Variants in LINGO1 observed in about 807,000 individuals in gnomAD.
LINGO1 encodes the protein leucine-rich repeat and immunoglobulin-like domain-containing nogo receptor-interacting protein 1.
In LINGO1, 11 loss-of-function variants were observed where a neutral mutation model predicts 37.3. The ratio of observed to expected loss-of-function variants is 0.29; its 90% CI spans 0.19 to 0.49. LINGO1 has a LOEUF of 0.49. LINGO1 is among the 20% of genes least tolerant of loss of function. The pLI is 0.99. For missense variants in LINGO1, 585 were observed against 878.2 expected (o/e 0.67, Z 4.22); for synonymous variants, 387 against 403.0 (o/e 0.96, Z 0.48).
upstream of LINGO1, among the ~76,000 whole-genome samples, chr15:77,700,285 G>A (rs2075765602): frequency 6.6e-6 from 1 of 152,212 alleles, no homozygotes; most frequent in Non-Finnish European, 1.5e-5. Context: ...GAGCATTGCA[G>A]AGAAACTGAA....
At position 77,798,483 on chromosome 15, in the gene LINGO1, C is replaced by A. The variant is rs374551901; in HGVS notation, c.-457-2430G>T. Among the ~76,000 whole-genome samples the A allele has an allele frequency of 2.0e-5, 3 of 152,246 alleles. No homozygotes were observed. In the South Asian group the frequency reaches 6.2e-4, roughly 31 times the overall value. ...GAATGGGCCTCCCGCTCCCTTCCCC[C>A]CAAACCTTCCAAAGCTTCCTAAAGC... is the stretch of plus-strand genomic sequence containing the variant. On this transcript the variant is annotated intron_variant, in intron 1 of 5. Coordinates refer to the LINGO1 transcript ENST00000562933.
At chr15:77,756,742 G>A (rs2076423483) in intron 1 of LINGO1, among the ~76,000 whole-genome samples, 2 of 152,214 alleles carry the variant, frequency 1.3e-5, no homozygotes. Flanking sequence ...TTGCAAAGGT[G>A]TCACTTTAGG....
At chr15:77,694,208 G>A (rs1255442477) in intron 1 of LINGO1, among the ~76,000 whole-genome samples, 2 of 152,242 alleles carry the variant, frequency 1.3e-5, no homozygotes, top group Admixed American at 6.5e-5. Context: ...GCAAGGTAAC[G>A]TCCAGCATAA....
chr15:77,808,950 T>G (rs2076981730), intron 1 of LINGO1, among the ~76,000 whole-genome samples: 2 of 152,132 alleles, frequency 1.3e-5, no homozygotes, highest in Non-Finnish European at 2.9e-5. Context: ...CCACATGCAG[T>G]CACCCAACAA....
At chr15:77,650,908 T>G (rs1012846977) in intron 3 of LINGO1, among the ~76,000 whole-genome samples, 2 of 151,918 alleles carry the variant, frequency 1.3e-5, no homozygotes, top group Non-Finnish European at 2.9e-5. Context: ...AGGCTTGGGT[T>G]TGGTGGCTCT....
chr15:77,753,703 T>C (rs1175512218), intron 1 of LINGO1, among the ~76,000 whole-genome samples: 1 of 152,196 alleles, frequency 6.6e-6, no homozygotes, highest in Admixed American at 6.5e-5. Flanking sequence ...CAAAGCCATA[T>C]TGAGAACACG....
intron 1 of LINGO1, among the ~76,000 whole-genome samples, chr15:77,763,618 C>T (rs1197066668): frequency 6.6e-6 from 1 of 152,150 alleles, no homozygotes; most frequent in Non-Finnish European, 1.5e-5. Flanking sequence ...GGGAACAAAT[C>T]TTCCACCTGA....
chr15:77,664,100 C>T (rs892106561), intron 3 of LINGO1, among the ~76,000 whole-genome samples: 1 of 151,818 alleles, frequency 6.6e-6, no homozygotes, highest in Non-Finnish European at 1.5e-5. Context: ...AGATTTCTCT[C>T]TCCCTTCCTC....
At chr15:77,664,174 C>CGCGCGCGCGCGA in intron 3 of LINGO1, among the ~76,000 whole-genome samples, 1 of 100,452 alleles carries the variant, frequency 1.0e-5, no homozygotes, top group African/African-American at 3.7e-5. Flanking sequence ...TGTGTGTGCG[C>CGCGCGCGCGCGA]GCGCGCATGC....
intron 1 of LINGO1, chr15:77,784,473 C>G (rs1426629223): frequency 1.3e-5 from 2 of 152,246 alleles, no homozygotes; most frequent in African/African-American, 4.8e-5. Context: ...CCCTTTGCAG[C>G]CAGTGCACAT....
At chr15:77,758,559 G>C (rs1301304235) in intron 1 of LINGO1, among the ~76,000 whole-genome samples, 1 of 152,168 alleles carries the variant, frequency 6.6e-6, no homozygotes, top group African/African-American at 2.4e-5. Flanking sequence ...CATGGAGGAG[G>C]CCAGGCTTGA....
At chr15:77,800,374 G>C (rs1016613107) in intron 1 of LINGO1, among the ~76,000 whole-genome samples, 3 of 152,236 alleles carry the variant, frequency 2.0e-5, no homozygotes, top group African/African-American at 7.2e-5. Flanking sequence ...AGTGGGGGCA[G>C]AGCATACGAG....
chr15:77,811,400 A>C (rs1467170104), intron 1 of LINGO1, among the ~76,000 whole-genome samples: 1 of 152,192 alleles, frequency 6.6e-6, no homozygotes, highest in Non-Finnish European at 1.5e-5. Flanking sequence ...ACCTGTTCAG[A>C]GGGGTCCAGC....
At chr15:77,645,040 C>T (rs919919927) in intron 3 of LINGO1, among the ~76,000 whole-genome samples, 14 of 152,176 alleles carry the variant, frequency 9.2e-5, no homozygotes, top group Non-Finnish European at 1.5e-4. Context: ...GAAAACCAGC[C>T]ATAAATACCT....
intron 1 of LINGO1, among the ~76,000 whole-genome samples, chr15:77,763,278 G>A (rs1259692979): frequency 6.6e-6 from 1 of 152,078 alleles, no homozygotes; most frequent in East Asian, 1.9e-4. Context: ...CTCAGGCCTG[G>A]GTGTGCCAGG....
At chr15:77,770,750 C>G (rs1053941194) in intron 1 of LINGO1, among the ~76,000 whole-genome samples, 2 of 152,020 alleles carry the variant, frequency 1.3e-5, no homozygotes, top group African/African-American at 4.8e-5. Context: ...CAGCAGGAAT[C>G]GACAGGCCCT....
intron 1 of LINGO1, among the ~76,000 whole-genome samples, chr15:77,799,572 GCCT>G (rs2076900564): frequency 6.6e-6 from 1 of 152,134 alleles, no homozygotes; most frequent in South Asian, 2.1e-4. Flanking sequence ...CCCCAGACTT[GCCT>G]CCTCCTCCCC....
intron 1 of LINGO1, among the ~76,000 whole-genome samples, chr15:77,805,948 C>A (rs1014419612): frequency 3.3e-5 from 5 of 152,186 alleles, no homozygotes; most frequent in African/African-American, 4.8e-5. Flanking sequence ...GGCAGGGATA[C>A]CTGACCCCAC....
intron 1 of LINGO1, among the ~76,000 whole-genome samples, chr15:77,623,491 G>A (rs911484575): frequency 6.6e-6 from 1 of 152,198 alleles, no homozygotes; most frequent in Non-Finnish European, 1.5e-5. Flanking sequence ...AAATAATTCC[G>A]TTGCTGGCCA....
Sources: allele counts gnomAD v4.1 joint callset (sites outside exome capture counted in the v4.1 genomes callset), GRCh38; gene constraint gnomAD v4.1.1; transcripts MANE v1.5; gene names NCBI Gene and HGNC (gene_info 2026-07-23, HGNC 2026-07-21).